The following PRKCA variants were observed in gnomAD, a reference collection of about 807,000 sequenced individuals.
PRKCA encodes protein kinase C alpha.
PRKCA carries 27 observed loss-of-function variants against 87.0 expected under a neutral mutation model. The observed-to-expected ratio is 0.31, with a 90% confidence interval of 0.23 to 0.43. The LOEUF (loss-of-function observed/expected upper bound fraction) is 0.43, where lower values mean the gene tolerates loss of function less well. Among genes scored for constraint, PRKCA ranks in the 20% least tolerant of loss-of-function variants. PRKCA has a pLI of 1.00. For synonymous variants in PRKCA, 329 were observed against 311.1 expected (o/e 1.06, Z -0.61); for missense variants, 518 against 852.3 (o/e 0.61, Z 4.88).
At chr17:66,324,593 A>G (rs188873887) in intron 2 of PRKCA, among the ~76,000 whole-genome samples, 1 of 152,300 alleles carries the variant, frequency 6.6e-6, no homozygotes, top group Admixed American at 6.5e-5. Context: ...CGCCTGGGCA[A>G]CAGAGTGGGA....
chr17:66,789,012 C>T (rs754231559), intron 16 of PRKCA, 33 bp downstream of exon 16: 39 of 1,612,890 alleles, frequency 2.4e-5, no homozygotes, highest in African/African-American at 4.0e-5. Flanking sequence ...TTTTCGGAAC[C>T]CCATGTCCCC....
intron 2 of PRKCA, among the ~76,000 whole-genome samples, chr17:66,309,027 C>G (rs1399470721): frequency 6.6e-6 from 1 of 152,146 alleles, no homozygotes; most frequent in Admixed American, 6.5e-5. Flanking sequence ...CCTCATACAT[C>G]AGATTATTTT....
At chr17:66,570,363 A>T (rs1186062825) in intron 3 of PRKCA, among the ~76,000 whole-genome samples, 4 of 152,236 alleles carry the variant, frequency 2.6e-5, no homozygotes, top group African/African-American at 9.6e-5. Flanking sequence ...CATGTAAAAC[A>T]TGTATGCTAC....
At chr17:66,543,691 T>G (rs1027931291) in intron 3 of PRKCA, among the ~76,000 whole-genome samples, 2 of 152,180 alleles carry the variant, frequency 1.3e-5, no homozygotes, top group Non-Finnish European at 2.9e-5. Flanking sequence ...CATAGTGCTG[T>G]GGTGAAGACA....
In PRKCA at chr17:66,741,718, A is replaced by G. The variant is rs1974163052; in HGVS notation, c.1382A>G (p.Tyr461Cys). 1 of 1,614,096 alleles carries G rather than the reference A, an allele frequency of 6.2e-7. No homozygotes were observed. Among genetic ancestry groups the G allele is most frequent in the East Asian group, 2.2e-5 (1 of 44,878 alleles). ...TTTCTTCATAAAAGAGGAATCATTTATAGGTGTGTATTGAAGCCCTCCTAC... is the reference window on the plus strand; with the variant it reads ...TTTCTTCATAAAAGAGGAATCATTTGTAGGTGTGTATTGAAGCCCTCCTAC... Reference protein sequence around the residue: ...LFFLHKRGIIYRDLKLDNVML... With the variant: ...LFFLHKRGIICRDLKLDNVML... The change falls in exon 12 of 17, where the codon TAT becomes TGT. Residue 461 changes from tyrosine to cysteine, a missense_variant. Physicochemically the swap from Tyr to Cys is radical, Grantham distance 194. Coordinates refer to ENST00000413366, the MANE Select transcript of PRKCA (RefSeq NM_002737.3).
intron 2 of PRKCA, among the ~76,000 whole-genome samples, chr17:66,426,582 A>G (rs114537292): frequency 0.012 from 1,754 of 152,222 alleles, 43 homozygotes; most frequent in African/African-American, 0.04. Flanking sequence ...CACCAGTACT[A>G]TCTACACCAG....
At chr17:66,736,069 C>T (rs1363642879) in intron 10 of PRKCA, among the ~76,000 whole-genome samples, 1 of 151,116 alleles carries the variant, frequency 6.6e-6, no homozygotes, top group African/African-American at 2.4e-5. Flanking sequence ...TTAGTAGAGA[C>T]GGGGGTTTCA....
intron 14 of PRKCA, among the ~76,000 whole-genome samples, chr17:66,784,327 C>T (rs545726482): frequency 3.3e-4 from 51 of 152,342 alleles, no homozygotes; most frequent in African/African-American, 1.2e-3. Flanking sequence ...CTCAGTGCAA[C>T]TTCCGCCTCC....
At chr17:66,752,301 A>G (rs1381339128) in intron 13 of PRKCA, among the ~76,000 whole-genome samples, 4 of 152,190 alleles carry the variant, frequency 2.6e-5, no homozygotes, top group Non-Finnish European at 4.4e-5. Context: ...GCTTAAAACA[A>G]TAATCACGTT....
At chr17:66,761,730 CT>C (rs575284655) in intron 13 of PRKCA, among the ~76,000 whole-genome samples, 28 of 148,452 alleles carry the variant, frequency 1.9e-4, no homozygotes, top group African/African-American at 5.9e-4. Flanking sequence ...GGCCAGTTTT[CT>C]TTTTTTTTTA....
intron 5 of PRKCA, among the ~76,000 whole-genome samples, chr17:66,647,096 G>A (rs1038799965): frequency 1.3e-5 from 2 of 152,158 alleles, no homozygotes; most frequent in Non-Finnish European, 2.9e-5. Context: ...TCTCTGCCCA[G>A]AGGAAGATGG....
At chr17:66,797,341 T>C (rs1026034564) in intron 16 of PRKCA, among the ~76,000 whole-genome samples, 15 of 152,240 alleles carry the variant, frequency 9.9e-5, no homozygotes, top group Admixed American at 5.2e-4. Context: ...CTGATTTCTC[T>C]TGGGTCCGTT....
At chr17:66,675,766 G>A (rs1195540242) in intron 5 of PRKCA, among the ~76,000 whole-genome samples, 1 of 152,168 alleles carries the variant, frequency 6.6e-6, no homozygotes, top group Non-Finnish European at 1.5e-5. Flanking sequence ...GGCCACCGGA[G>A]CCTGCCTGGG....
chr17:66,806,612 C>T lies in PRKCA; in HGVS notation c.*2575C>T, dbSNP rs77525662. The T allele has an allele frequency of 0.015, 2,239 of 152,796 alleles. 50 individuals are homozygous for T. Among genetic ancestry groups the T allele is most frequent in the African/African-American group, 0.051 (2,131 of 41,514 alleles). 9.5% of individuals were successfully genotyped at this position (152,796 alleles called of 1,614,324 possible). A position where few individuals can be genotyped will look rare whatever the true frequency, so the allele number is the denominator to read the frequency against. On this transcript the variant is annotated 3_prime_UTR_variant, in exon 17 of 17. Transcript: ENST00000413366. ...GGCCCCCCAGAGAGGAGGAAGATCC[C>T]ACGGAGGAACACATGAGGTTAGGGA... is the stretch of plus-strand genomic sequence containing the variant.
intron 13 of PRKCA, among the ~76,000 whole-genome samples, chr17:66,759,280 C>T (rs1287003608): frequency 3.3e-5 from 5 of 151,412 alleles, no homozygotes; most frequent in African/African-American, 7.3e-5. Flanking sequence ...GGCGTGAACC[C>T]GGGAGGCAGA....
intron 2 of PRKCA, among the ~76,000 whole-genome samples, chr17:66,344,231 G>C (rs943122855): frequency 6.6e-6 from 1 of 152,138 alleles, no homozygotes; most frequent in African/African-American, 2.4e-5. Flanking sequence ...TCCCAGCATG[G>C]TCTTTTCTGA....
At chr17:66,430,785 G>A (rs943231327) in intron 2 of PRKCA, among the ~76,000 whole-genome samples, 1 of 152,146 alleles carries the variant, frequency 6.6e-6, no homozygotes, top group Non-Finnish European at 1.5e-5. Context: ...TGGGGCACTA[G>A]GAAATGGCCA....
rs1466893796 is a variant in PRKCA, at chr17:66,364,343, T to G, written c.205+58216T>G. On this transcript the variant is annotated intron_variant, in intron 2 of 16. Transcript: ENST00000413366. ...TCAATCAATCAGTAAATTCATTTAT[T>G]CATTCATAGGAATCACAGACAAGGG... 4 of 152,292 alleles carry G rather than the reference T, an allele frequency of 2.6e-5. No homozygotes were observed. In the East Asian group the frequency reaches 7.8e-4, roughly 30 times the overall value. The allele number at this position is 152,292 out of a possible 1,614,324, so 9.4% of individuals were successfully genotyped here. A position where few individuals can be genotyped will look rare whatever the true frequency, so the allele number is the denominator to read the frequency against.
At chr17:66,609,088 C>T (rs940118480) in intron 3 of PRKCA, among the ~76,000 whole-genome samples, 1 of 152,172 alleles carries the variant, frequency 6.6e-6, no homozygotes, top group South Asian at 2.1e-4. Flanking sequence ...TCCTCATGGC[C>T]TCCTCAGACT....
Sources: allele counts gnomAD v4.1 joint callset (sites outside exome capture counted in the v4.1 genomes callset), GRCh38; gene constraint gnomAD v4.1.1; transcripts MANE v1.5; gene names NCBI Gene and HGNC (gene_info 2026-07-23, HGNC 2026-07-21).